The following C2CD5 variants were observed in gnomAD, a reference collection of about 807,000 sequenced individuals.
The protein encoded by C2CD5 is C2 domain-containing protein 5.
A neutral mutation model predicts 130.3 loss-of-function variants in C2CD5; 109 were observed. The observed-to-expected ratio is 0.84, with a 90% CI of 0.72 to 0.98. The LOEUF (loss-of-function observed/expected upper bound fraction) is 0.98. C2CD5 is among the 50% of genes least tolerant of loss of function. The pLI, the probability that C2CD5 is intolerant of heterozygous loss-of-function variation, is 0.00. For missense variants in C2CD5, 996 were observed against 1,261.8 expected, an observed-to-expected ratio of 0.79 and a Z score of 3.19; for synonymous variants, 454 against 429.2, an observed-to-expected ratio of 1.06 and a Z score of -0.71.
chr12:22,473,131 A>G (rs1370934981), intron 16 of C2CD5, among the ~76,000 whole-genome samples: 1 of 152,196 alleles, frequency 6.6e-6, no homozygotes, highest in Non-Finnish European at 1.5e-5. Context: ...AAGTGTAATG[A>G]GATCCTTTCA....
At chr12:22,505,021 C>G (rs145275864) in intron 10 of C2CD5, among the ~76,000 whole-genome samples, 14 of 152,166 alleles carry the variant, frequency 9.2e-5, no homozygotes, top group African/African-American at 2.9e-4. Flanking sequence ...TGCATTTGCC[C>G]AGTTTTAGAG....
intron 26 of C2CD5, 30 bp from the exon 27 acceptor site, chr12:22,449,921 G>C (rs372537382): frequency 2.5e-6 from 4 of 1,578,208 alleles, no homozygotes; most frequent in Admixed American, 3.4e-5. Flanking sequence ...GACAGGTTCA[G>C]TTATACTCAA....
chr12:22,492,634 T>C lies in C2CD5; in HGVS notation c.1262+589A>G, dbSNP rs566619881. Among the ~76,000 whole-genome samples the C allele has an allele frequency of 3.5e-4, 53 of 152,150 alleles. No individual in the cohort carries two copies. In the South Asian group the frequency reaches 0.01, roughly 30 times the overall value. ...AGACGAATGCTTTGGAAGTAGATAA[T>C]GGAACAGTAGCGTGGCATGTACTTT... On this transcript the variant is annotated intron_variant, in intron 11 of 26. Coordinates refer to ENST00000446597, the MANE Select transcript of C2CD5 (RefSeq NM_001286176.2).
intron 10 of C2CD5, among the ~76,000 whole-genome samples, chr12:22,494,569 A>G (rs1300227137): frequency 6.6e-6 from 1 of 152,062 alleles, no homozygotes. Flanking sequence ...AAATAAGGAG[A>G]TAAAAGCCAG....
chr12:22,450,551 A>C (rs1031774797), intron 26 of C2CD5, among the ~76,000 whole-genome samples: 4 of 152,110 alleles, frequency 2.6e-5, no homozygotes, highest in Non-Finnish European at 5.9e-5. Flanking sequence ...CAATTTGCAA[A>C]ATGATATATA....
At chr12:22,531,205 T>C (rs930805615) in intron 3 of C2CD5, among the ~76,000 whole-genome samples, 1 of 152,140 alleles carries the variant, frequency 6.6e-6, no homozygotes, top group African/African-American at 2.4e-5. Context: ...AATGCCACAA[T>C]AGACTCAATA....
intron 15 of C2CD5, 51 bp downstream of exon 15, chr12:22,478,262 T>C (rs761828426): frequency 2.1e-6 from 3 of 1,453,224 alleles, no homozygotes; most frequent in South Asian, 1.1e-5. Context: ...CCTAAAAATA[T>C]ACTAATAAAC....
At chr12:22,500,918 C>T (rs1237096702) in intron 10 of C2CD5, among the ~76,000 whole-genome samples, 1 of 152,058 alleles carries the variant, frequency 6.6e-6, no homozygotes, top group Non-Finnish European at 1.5e-5. Context: ...AATTCTAGCC[C>T]TAATAAAAAT....
At chr12:22,532,624 T>A (rs777677111) in intron 3 of C2CD5, among the ~76,000 whole-genome samples, 1 of 152,172 alleles carries the variant, frequency 6.6e-6, no homozygotes, top group Non-Finnish European at 1.5e-5. Context: ...AAAAGAAAGA[T>A]CACGGTCCTA....
At chr12:22,543,530 C>T (rs1266834439) in intron 2 of C2CD5, among the ~76,000 whole-genome samples, 1 of 152,160 alleles carries the variant, frequency 6.6e-6, no homozygotes, top group Non-Finnish European at 1.5e-5. Flanking sequence ...CTCCAAGTGC[C>T]CATAAAGGGC....
chr12:22,543,596 G>A (rs1952622943), intron 2 of C2CD5, among the ~76,000 whole-genome samples: 1 of 152,216 alleles, frequency 6.6e-6, no homozygotes, highest in Non-Finnish European at 1.5e-5. Context: ...TTCCAAGGGT[G>A]TGTGTGTGCC....
At position 22,493,222 on chromosome 12, in the gene C2CD5, C is replaced by G. The variant is rs772864343; in HGVS notation, c.1262+1G>C. On this transcript the variant is annotated splice_donor_variant, in intron 11 of 26. Transcript: ENST00000446597. LOFTEE classifies it high-confidence loss of function. ...AAAATCAAGTTGTTATTATCATTTA[C>G]CAGATGCTAGTTGATTCACTGTAGC... is the stretch of plus-strand genomic sequence containing the variant. 1.3e-6 allele frequency: 2 copies of G among 1,509,686 alleles called. No homozygotes were observed. Among genetic ancestry groups the G allele is most frequent in the East Asian group, 4.5e-5 (2 of 43,972 alleles). 93.5% of individuals were successfully genotyped at this position (1,509,686 alleles called of 1,614,324 possible). A position where few individuals can be genotyped will look rare whatever the true frequency, so the allele number is the denominator to read the frequency against.
At chr12:22,476,732 C>T (rs939230626) in intron 15 of C2CD5, among the ~76,000 whole-genome samples, 1 of 151,946 alleles carries the variant, frequency 6.6e-6, no homozygotes, top group Non-Finnish European at 1.5e-5. Flanking sequence ...AGGAAGAGTC[C>T]ATTCTTCCTG....
At chr12:22,539,212 C>T (rs1952109024) in intron 2 of C2CD5, among the ~76,000 whole-genome samples, 2 of 152,098 alleles carry the variant, frequency 1.3e-5, no homozygotes, top group South Asian at 4.1e-4. Flanking sequence ...TGTCACAACC[C>T]CCATGTTGTC....
intron 9 of C2CD5, among the ~76,000 whole-genome samples, chr12:22,511,185 A>G (rs1385405028): frequency 6.6e-6 from 1 of 152,026 alleles, no homozygotes; most frequent in East Asian, 1.9e-4. Context: ...AAAAAAAAAA[A>G]AAAAGGCCAT....
intron 26 of C2CD5, 51 bp downstream of exon 26, chr12:22,453,845 G>A: frequency 1.9e-6 from 3 of 1,575,302 alleles, no homozygotes; most frequent in Non-Finnish European, 2.6e-6. Flanking sequence ...AGGAAGCCAT[G>A]GAAGAAATTC....
intron 8 of C2CD5, among the ~76,000 whole-genome samples, chr12:22,516,634 CA>C (rs1021446286): frequency 6.8e-6 from 1 of 148,080 alleles, no homozygotes; most frequent in African/African-American, 2.5e-5. Flanking sequence ...TGTGGTATGG[CA>C]AAAAAAATAA....
chr12:22,517,381 A>G (rs1343779953), intron 8 of C2CD5, among the ~76,000 whole-genome samples: 1 of 151,968 alleles, frequency 6.6e-6, no homozygotes, highest in Non-Finnish European at 1.5e-5. Context: ...TTTTATCATA[A>G]AACATATTCA....
At chr12:22,491,824 A>G (rs1023570701) in intron 11 of C2CD5, among the ~76,000 whole-genome samples, 1 of 152,042 alleles carries the variant, frequency 6.6e-6, no homozygotes, top group African/African-American at 2.4e-5. Context: ...GTGAGCCAAA[A>G]TCACACCATT....
Sources: allele counts gnomAD v4.1 joint callset (sites outside exome capture counted in the v4.1 genomes callset), GRCh38; gene constraint gnomAD v4.1.1; transcripts MANE v1.5; gene names NCBI Gene and HGNC (gene_info 2026-07-23, HGNC 2026-07-21).